SLC7A1: variants seen among roughly 807,000 people sequenced by gnomAD.
SLC7A1 encodes solute carrier family 7 member 1, also known as high affinity cationic amino acid transporter 1.
SLC7A1 carries 10 observed loss-of-function variants against 53.9 expected under a neutral mutation model. That is an observed-to-expected ratio of 0.19 (90% CI 0.11 to 0.31). SLC7A1 has a LOEUF of 0.31. SLC7A1 is among the 10% of genes least tolerant of loss of function. SLC7A1 has a pLI of 1.00. For missense variants in SLC7A1, 525 were observed against 827.2 expected (o/e 0.63, Z 4.48); for synonymous variants, 342 against 338.7 (o/e 1.01, Z -0.11).
intron 1 of SLC7A1, among the ~76,000 whole-genome samples, chr13:29,560,136 TG>T: frequency 6.6e-6 from 1 of 151,516 alleles, no homozygotes; most frequent in African/African-American, 2.4e-5. Context: ...TGAATTTTTT[TG>T]TTTTTTTTTA....
chr13:29,553,628 A>C (rs761160792), intron 2 of SLC7A1, 133 bp downstream of exon 2: 2 of 152,256 alleles, frequency 1.3e-5, no homozygotes, highest in African/African-American at 2.4e-5. Context: ...TCTAAAAAAG[A>C]AGACAACTGG....
chr13:29,556,440 C>T (rs1399420920), intron 1 of SLC7A1, among the ~76,000 whole-genome samples: 1 of 152,146 alleles, frequency 6.6e-6, no homozygotes, highest in Non-Finnish European at 1.5e-5. Flanking sequence ...TGCAGTGGCA[C>T]AATCTTGGCT....
chr13:29,590,362 C>T (rs924531892), intron 1 of SLC7A1, among the ~76,000 whole-genome samples: 1 of 152,184 alleles, frequency 6.6e-6, no homozygotes, highest in African/African-American at 2.4e-5. Flanking sequence ...TCCTGCCCCC[C>T]ACCAAACACA....
At chr13:29,524,964 C>T (rs781689978) in intron 5 of SLC7A1, among the ~76,000 whole-genome samples, 10 of 152,192 alleles carry the variant, frequency 6.6e-5, no homozygotes, top group African/African-American at 1.2e-4. Context: ...ACACCTGTGC[C>T]GAGACACGGT....
At chr13:29,552,280 A>G (rs1220683677) in intron 2 of SLC7A1, among the ~76,000 whole-genome samples, 2 of 151,582 alleles carry the variant, frequency 1.3e-5, no homozygotes, top group African/African-American at 4.9e-5. Context: ...CTTTCCCTCA[A>G]CTGAAGAGTT....
intron 2 of SLC7A1, among the ~76,000 whole-genome samples, chr13:29,542,906 A>G (rs1869731111): frequency 6.6e-6 from 1 of 152,130 alleles, no homozygotes; most frequent in Middle Eastern, 3.2e-3. Context: ...CTCTGCCTAC[A>G]ATGAAATATG....
Position 29,517,711 on chromosome 13 carries a change from A to G in SLC7A1, c.1372T>C (p.Leu458=), listed in dbSNP as rs905096313. 7.4e-6 allele frequency: 12 copies of G among 1,614,210 alleles called. No individual in the cohort carries two copies. The highest frequency in any genetic ancestry group is 1.3e-5 in the African/African-American group (1 of 75,052). ...DELDPADQNE[L]ASTNDSQLGF... Reference sequence around the variant, plus strand: ...AGCTGGGAATCATTGGTGCTTGCCAATTCATTTTGGTCTGCTGGATCTAAC... The same window carrying G: ...AGCTGGGAATCATTGGTGCTTGCCAGTTCATTTTGGTCTGCTGGATCTAAC... Residue 458 remains leucine, a synonymous_variant, in exon 10 of 13, where the codon TTG becomes CTG. Transcript: ENST00000380752.
rs1883428117 is a variant in SLC7A1 at position 29,512,684 on chromosome 13, C to T, written c.*1796G>A. 1 of 152,212 alleles carries T rather than the reference C, an allele frequency of 6.6e-6. No homozygotes were observed. The highest frequency in any genetic ancestry group is 2.4e-5 in the African/African-American group (1 of 41,450). The allele number at this position is 152,212 out of a possible 1,614,324, so 9.4% of individuals were successfully genotyped here. On this transcript the variant is annotated 3_prime_UTR_variant, in exon 13 of 13. Transcript: ENST00000380752. ...CCAATCTCCATAAATGTCAATATCACTCTTTGGAAATCGGAGCTCTGGGCT... is the reference window on the plus strand; with the variant it reads ...CCAATCTCCATAAATGTCAATATCATTCTTTGGAAATCGGAGCTCTGGGCT...
chr13:29,545,165 C>T (rs1344925757), intron 2 of SLC7A1, among the ~76,000 whole-genome samples: 1 of 152,092 alleles, frequency 6.6e-6, no homozygotes, highest in East Asian at 1.9e-4. Context: ...GTTTCATTCA[C>T]CAACGAATAA....
chr13:29,557,518 A>G (rs917354431), intron 1 of SLC7A1, among the ~76,000 whole-genome samples: 2 of 152,090 alleles, frequency 1.3e-5, no homozygotes, highest in Non-Finnish European at 2.9e-5. Flanking sequence ...CAACAGTCAC[A>G]CAATGGTAAG....
At chr13:29,519,177 G>T (rs1868508091) in intron 9 of SLC7A1, among the ~76,000 whole-genome samples, 1 of 152,080 alleles carries the variant, frequency 6.6e-6, no homozygotes, top group African/African-American at 2.4e-5. Context: ...TGGCCTAATA[G>T]TTGGACCGAG....
At chr13:29,541,383 C>G (rs1177830751) in intron 2 of SLC7A1, among the ~76,000 whole-genome samples, 1 of 152,142 alleles carries the variant, frequency 6.6e-6, no homozygotes. Flanking sequence ...GGAAATTAAC[C>G]GTGGTCAGTG....
At chr13:29,532,430 C>A (rs1319161913) in intron 4 of SLC7A1, among the ~76,000 whole-genome samples, 1 of 152,218 alleles carries the variant, frequency 6.6e-6, no homozygotes, top group Non-Finnish European at 1.5e-5. Context: ...GGAGCTCATT[C>A]CTCCACATTT....
intron 2 of SLC7A1, among the ~76,000 whole-genome samples, chr13:29,548,138 C>G (rs565667296): frequency 6.6e-6 from 1 of 152,324 alleles, no homozygotes; most frequent in African/African-American, 2.4e-5. Flanking sequence ...CTTCTCTGGG[C>G]CTAAGTCTGA....
chr13:29,584,435 C>T (rs1233028638), intron 1 of SLC7A1, among the ~76,000 whole-genome samples: 2 of 152,280 alleles, frequency 1.3e-5, no homozygotes, highest in African/African-American at 4.8e-5. Flanking sequence ...GTATGAGCCA[C>T]CACACCTGGC....
intron 1 of SLC7A1, among the ~76,000 whole-genome samples, chr13:29,588,460 G>T (rs1232674046): frequency 4.0e-5 from 6 of 151,614 alleles, no homozygotes; most frequent in African/African-American, 1.5e-4. Context: ...CTGAGAGACG[G>T]TACCCAGGAG....
At position 29,532,979 on chromosome 13, in the gene SLC7A1, G is replaced by C. The variant is rs775617675; in HGVS notation, c.374C>G (p.Thr125Ser). The C allele has an allele frequency of 6.2e-7, 1 of 1,610,946 alleles. No homozygotes were observed. The highest frequency in any genetic ancestry group is 8.5e-7 in the Non-Finnish European group (1 of 1,178,888). The stretch of plus-strand genomic sequence containing the variant: ...GCTCCAGGCCCTCGCTACGCTTGAA[G>C]TACCTGCCACAAAGCACACACAACA... Reference protein sequence around the residue: ...WNLILSYIIGTSSVARAWSAT... With the variant: ...WNLILSYIIGSSSVARAWSAT... The change falls in exon 4 of 13, where the codon ACT becomes AGT. Residue 125 changes from threonine (T) to serine (S), a missense_variant. Physicochemically the swap from Thr to Ser is moderately conservative, Grantham distance 58. This residue lies in a region of SLC7A1 where 354 missense variants were observed against 587.5 expected (regional missense o/e 0.60). Transcript: ENST00000380752.
In SLC7A1 at chr13:29,529,847, G is replaced by A. The variant is rs1869069481; in HGVS notation, c.704+691C>T. Among the ~76,000 whole-genome samples the A allele has an allele frequency of 3.3e-5, 5 of 152,136 alleles. No individual in the cohort carries two copies. The South Asian group carries it at 1.0e-3, about 31-fold the overall frequency. On this transcript the variant is annotated intron_variant, in intron 5 of 12. Transcript: ENST00000380752. ...GAGATCTGACAACAAAGATAAAAAA[G>A]ATATGACTGTTTGGCTTTTTTTTCC...
chr13:29,570,039 T>C (rs888592774), intron 1 of SLC7A1, among the ~76,000 whole-genome samples: 9 of 152,226 alleles, frequency 5.9e-5, no homozygotes, highest in Non-Finnish European at 8.8e-5. Context: ...CAGAACTCCC[T>C]GAATGCCACA....
Sources: gnomAD v4.1 joint callset for allele counts (sites outside exome capture counted in the v4.1 genomes callset) on GRCh38, gnomAD v4.1.1 for gene constraint, gnomAD v4.1.1 regional missense constraint, MANE v1.5 for transcripts, NCBI Gene and HGNC (gene_info 2026-07-23, HGNC 2026-07-21) for gene names.